The following HNF1B variants were observed in gnomAD, a reference collection of about 807,000 sequenced individuals.
HNF1B encodes the protein hepatocyte nuclear factor 1-beta.
Under a neutral mutation model 61.7 loss-of-function variants are expected in HNF1B, and 8 were observed. That is an observed-to-expected ratio of 0.13 (90% confidence interval 0.08 to 0.23). The LOEUF (loss-of-function observed/expected upper bound fraction) is 0.23, where lower values mean the gene tolerates loss of function less well. Among genes scored for constraint, HNF1B ranks in the 10% least tolerant of loss-of-function variants. The pLI, the probability that HNF1B is intolerant of heterozygous loss-of-function variation, is 1.00. For missense variants in HNF1B, 562 were observed against 714.5 expected (o/e 0.79, Z 2.43); for synonymous variants, 314 against 287.7 (o/e 1.09, Z -0.93).
chr17:37,716,455 TCC>T (rs2033114878), intron 4 of HNF1B, among the ~76,000 whole-genome samples: 1 of 152,158 alleles, frequency 6.6e-6, no homozygotes, highest in African/African-American at 2.4e-5. Context: ...CGCCTCAGCC[TCC>T]CAAAGTGCTG....
intron 4 of HNF1B, among the ~76,000 whole-genome samples, 200 bp from the exon 5 acceptor site, chr17:37,710,863 G>A (rs557977661): frequency 1.2e-4 from 19 of 152,326 alleles, no homozygotes; most frequent in South Asian, 6.2e-4. Flanking sequence ...GAATGTAAGC[G>A]CCACGAGGGC....
At chr17:37,732,802 T>A (rs1355071087) in intron 3 of HNF1B, among the ~76,000 whole-genome samples, 1 of 152,136 alleles carries the variant, frequency 6.6e-6, no homozygotes, top group African/African-American at 2.4e-5. Flanking sequence ...GACCACATTT[T>A]AAAAATAAAT....
intron 1 of HNF1B, among the ~76,000 whole-genome samples, chr17:37,743,499 A>G (rs1009648285): frequency 1.2e-4 from 18 of 152,212 alleles, no homozygotes; most frequent in African/African-American, 4.3e-4. Flanking sequence ...TCGGAGCACA[A>G]ATTCAAATGC....
chr17:37,718,783 G>A (rs1274976035), intron 4 of HNF1B, among the ~76,000 whole-genome samples: 1 of 152,222 alleles, frequency 6.6e-6, no homozygotes, highest in Non-Finnish European at 1.5e-5. Flanking sequence ...GTCATGCTAA[G>A]CATTCAGTAA....
intron 6 of HNF1B, among the ~76,000 whole-genome samples, chr17:37,702,988 A>T (rs959944788): frequency 6.6e-6 from 1 of 152,270 alleles, no homozygotes; most frequent in Non-Finnish European, 1.5e-5. Flanking sequence ...GATGAGAAAG[A>T]GAATAGGATG....
chr17:37,744,390 C>T (rs1459565616), intron 1 of HNF1B, 151 bp downstream of exon 1: 1 of 752,850 alleles, frequency 1.3e-6, no homozygotes, highest in African/African-American at 1.7e-5. Flanking sequence ...TGGGAAGGGT[C>T]CGGGTGTTGG....
Position 37,700,996 on chromosome 17 carries a change from C to T in HNF1B, c.1521G>A (p.Leu507=), listed in dbSNP as rs1186457589. 2 of 1,556,674 alleles carry T rather than the reference C, an allele frequency of 1.3e-6. No homozygotes were observed. Among genetic ancestry groups the T allele is most frequent in the Non-Finnish European group, 1.7e-6 (2 of 1,149,924 alleles). Residue 507 remains leucine (L), a synonymous_variant, in exon 7 of 9, where the codon CTG becomes CTA. Transcript: ENST00000617811. ...CCGTGTCCTTACTGTGTGAGTTCTG[C>T]AGCTGAGTCACAGCTGCCATGAAGG... is the stretch of plus-strand genomic sequence containing the variant. ...QQPFMAAVTQ[L]QNSHMYAHKQ...
intron 4 of HNF1B, among the ~76,000 whole-genome samples, chr17:37,716,849 TC>T (rs2033135823): frequency 2.1e-5 from 1 of 48,494 alleles, no homozygotes; most frequent in South Asian, 7.4e-4. Flanking sequence ...ACAATCTCTC[TC>T]TCTCTCTCTC....
At chr17:37,691,561 C>T (rs985335989) in intron 8 of HNF1B, among the ~76,000 whole-genome samples, 6 of 152,174 alleles carry the variant, frequency 3.9e-5, no homozygotes, top group Admixed American at 1.3e-4. Flanking sequence ...AGTGACCCAG[C>T]TTCCATGGGC....
At position 37,739,401 on chromosome 17, in the gene HNF1B, C is replaced by T. The variant is rs747935532; in HGVS notation, c.544+39G>A. On this transcript the variant is annotated intron_variant, in intron 2 of 8. Transcript: ENST00000617811. ...GCCAATGGGGTGAGAGGGCAAAGGT[C>T]ACTTCAGGTTGAGGCAGAGGCAGGA... The T allele has an allele frequency of 2.5e-6, 4 of 1,593,762 alleles. No individual in the cohort carries two copies. In the Admixed American group the frequency reaches 6.7e-5, roughly 27 times the overall value.
At chr17:37,736,692 C>T (rs775083502) in intron 2 of HNF1B, among the ~76,000 whole-genome samples, 68 of 152,214 alleles carry the variant, frequency 4.5e-4, no homozygotes, top group Non-Finnish European at 8.5e-4. Flanking sequence ...GAGACACTCT[C>T]GCAGCTGCTC....
At chr17:37,700,438 T>A (rs1598805466) in intron 7 of HNF1B, among the ~76,000 whole-genome samples, 1 of 152,360 alleles carries the variant, frequency 6.6e-6, no homozygotes, top group East Asian at 1.9e-4. Context: ...CAGGATGGCA[T>A]GCCACTGGTA....
chr17:37,710,755 TAAG>T (rs2032908930), intron 4 of HNF1B, 92 bp from the exon 5 acceptor site: 1 of 1,336,586 alleles, frequency 7.5e-7, no homozygotes, highest in African/African-American at 1.4e-5. Context: ...GGGTGGGTAA[TAAG>T]AAAATAAAGT....
At chr17:37,720,433 T>C (rs4794758) in intron 4 of HNF1B, among the ~76,000 whole-genome samples, 101,736 of 151,848 alleles carry the variant, frequency 0.67, 35,359 homozygotes, top group Middle Eastern at 0.83. Context: ...GTGAACTGTA[T>C]ACTTAAGCAG....
At chr17:37,739,929 G>T (rs1395869447) in intron 1 of HNF1B, among the ~76,000 whole-genome samples, 1 of 151,990 alleles carries the variant, frequency 6.6e-6, no homozygotes, top group Non-Finnish European at 1.5e-5. Flanking sequence ...TAAGCAAAAA[G>T]AAAAGCTCTT....
intron 1 of HNF1B, among the ~76,000 whole-genome samples, chr17:37,742,021 C>T (rs545640394): frequency 1.3e-5 from 2 of 152,358 alleles, no homozygotes; most frequent in South Asian, 2.1e-4. Flanking sequence ...AAACACAGCT[C>T]AGGTTCAGAG....
Position 37,744,957 on chromosome 17 carries a change from C to G in HNF1B, c.-73G>C. On this transcript the variant is annotated 5_prime_UTR_variant, in exon 1 of 9. Coordinates refer to ENST00000617811, the MANE Select transcript of HNF1B (RefSeq NM_000458.4). ...GAGAGGAGGGTGGAGGGGAGTTTCACAAGCAAACCCCAAATCCAGGAACCC... is the reference window on the plus strand; with the variant it reads ...GAGAGGAGGGTGGAGGGGAGTTTCAGAAGCAAACCCCAAATCCAGGAACCC... 1 of 1,302,328 alleles carries G rather than the reference C, an allele frequency of 7.7e-7. No homozygotes were observed. The highest frequency in any genetic ancestry group is 2.5e-5 in the East Asian group (1 of 40,538). 80.7% of individuals were successfully genotyped at this position (1,302,328 alleles called of 1,614,324 possible).
chr17:37,703,447 G>A (rs994967530), intron 6 of HNF1B, among the ~76,000 whole-genome samples: 4 of 152,072 alleles, frequency 2.6e-5, no homozygotes, highest in Non-Finnish European at 5.9e-5. Context: ...GGCAGTGAAA[G>A]CTTAGAATGG....
intron 2 of HNF1B, among the ~76,000 whole-genome samples, chr17:37,737,052 G>C (rs2033852569): frequency 6.6e-6 from 1 of 152,190 alleles, no homozygotes; most frequent in African/African-American, 2.4e-5. Context: ...AGGAGGTTCT[G>C]TGTGTGTAGA....
Sources: gnomAD v4.1 joint callset for allele counts (sites outside exome capture counted in the v4.1 genomes callset) on GRCh38, gnomAD v4.1.1 for gene constraint, MANE v1.5 for transcripts, NCBI Gene and HGNC (gene_info 2026-07-23, HGNC 2026-07-21) for gene names.